RALGPS1: variants seen among roughly 807,000 people sequenced by gnomAD.
RALGPS1 encodes the protein ras-specific guanine nucleotide-releasing factor RalGPS1.
A neutral mutation model predicts 78.8 loss-of-function variants in RALGPS1; 19 were observed. The ratio of observed to expected loss-of-function variants is 0.24; its 90% CI spans 0.17 to 0.35. The LOEUF is 0.35. Ranked by LOEUF, RALGPS1 falls within the 10% of genes least tolerant of loss-of-function variation. RALGPS1 has a pLI of 1.00. For synonymous variants in RALGPS1, 228 were observed against 256.3 expected, an observed-to-expected ratio of 0.89 and a Z score of 1.06; for missense variants, 454 against 688.3, an observed-to-expected ratio of 0.66 and a Z score of 3.81.
chr9:127,101,390 C>T (rs1314596119), intron 8 of RALGPS1, among the ~76,000 whole-genome samples: 2 of 152,176 alleles, frequency 1.3e-5, no homozygotes, highest in Non-Finnish European at 2.9e-5. Flanking sequence ...TCTGTGTCCC[C>T]ATAAGACTGT....
At chr9:127,217,431 A>G in intron 18 of RALGPS1, 1 of 988,424 alleles carries the variant, frequency 1.0e-6, no homozygotes, top group Non-Finnish European at 1.2e-6. Context: ...GTGTGACAGA[A>G]ATGCATCTAT....
At chr9:127,062,282 T>C (rs927162331) in intron 7 of RALGPS1, among the ~76,000 whole-genome samples, 2 of 152,104 alleles carry the variant, frequency 1.3e-5, no homozygotes, top group African/African-American at 4.8e-5. Context: ...TATTTTTTAG[T>C]AGAGACGGGG....
intron 11 of RALGPS1, 51 bp downstream of exon 11, chr9:127,174,833 G>T (rs1485336824): frequency 6.4e-7 from 1 of 1,565,518 alleles, no homozygotes; most frequent in Admixed American, 1.7e-5. Context: ...GCCTAATTGT[G>T]GCTGCCAGAG....
chr9:126,949,180 T>C (rs1220495895), intron 1 of RALGPS1, among the ~76,000 whole-genome samples: 1 of 152,244 alleles, frequency 6.6e-6, no homozygotes, highest in African/African-American at 2.4e-5. Context: ...CCATGGTGTA[T>C]ATGTGCCACA....
At chr9:127,106,992 G>T (rs1213904177) in intron 8 of RALGPS1, 1 of 152,246 alleles carries the variant, frequency 6.6e-6, no homozygotes. Context: ...CCACTGGGAA[G>T]GCTCAGGTGT....
chr9:127,047,014 T>G (rs2047858712), intron 5 of RALGPS1, among the ~76,000 whole-genome samples: 1 of 150,384 alleles, frequency 6.6e-6, no homozygotes, highest in African/African-American at 2.4e-5. Context: ...TGATAGTAAC[T>G]GGTATTGGCC....
chr9:127,169,476 C>T (rs374363806), intron 10 of RALGPS1, among the ~76,000 whole-genome samples: 16 of 152,238 alleles, frequency 1.1e-4, no homozygotes, highest in South Asian at 6.2e-4. Context: ...TTCGTGTTAA[C>T]TCTGTCTGCC....
intron 6 of RALGPS1, among the ~76,000 whole-genome samples, chr9:127,052,491 A>G (rs917515020): frequency 5.9e-5 from 9 of 152,354 alleles, no homozygotes; most frequent in Admixed American, 5.9e-4. Flanking sequence ...TAAGATAATC[A>G]TAGAAGACCC....
chr9:127,067,438 G>C (rs1282801385), intron 7 of RALGPS1, among the ~76,000 whole-genome samples: 1 of 152,226 alleles, frequency 6.6e-6, no homozygotes, highest in African/African-American at 2.4e-5. Flanking sequence ...TGTGGTCCCA[G>C]AGGCTGAAGA....
At chr9:127,163,040 T>G (rs1286725186) in intron 8 of RALGPS1, among the ~76,000 whole-genome samples, 1 of 152,166 alleles carries the variant, frequency 6.6e-6, no homozygotes, top group African/African-American at 2.4e-5. Flanking sequence ...CTGTCTTGGA[T>G]TTGATACCCA....
chr9:127,009,085 T>G (rs2044116638), intron 4 of RALGPS1, among the ~76,000 whole-genome samples: 1 of 152,250 alleles, frequency 6.6e-6, no homozygotes, highest in Non-Finnish European at 1.5e-5. Context: ...GATGTGGAGA[T>G]ACTTTTGCAA....
intron 8 of RALGPS1, chr9:127,108,786 A>G (rs1193642050): frequency 1.3e-6 from 2 of 1,522,544 alleles, no homozygotes; most frequent in Non-Finnish European, 1.8e-6. Flanking sequence ...AAAGCCTGAA[A>G]GTAAACAGAG....
chr9:127,120,954 C>T (rs1382193742), intron 8 of RALGPS1, among the ~76,000 whole-genome samples: 4 of 152,134 alleles, frequency 2.6e-5, no homozygotes, highest in African/African-American at 9.7e-5. Context: ...GGCACTAAGC[C>T]AAGGCCTTCC....
At chr9:127,040,250 A>T (rs1050617347) in intron 5 of RALGPS1, among the ~76,000 whole-genome samples, 9 of 152,074 alleles carry the variant, frequency 5.9e-5, no homozygotes, top group Non-Finnish European at 1.3e-4. Context: ...AAAATACAAA[A>T]ATTAGCTGGG....
At chr9:127,095,494 A>G (rs1264295195) in intron 8 of RALGPS1, among the ~76,000 whole-genome samples, 1 of 152,252 alleles carries the variant, frequency 6.6e-6, no homozygotes, top group African/African-American at 2.4e-5. Context: ...ATCAATTTGT[A>G]TGTTTATTCA....
At chr9:127,109,977 C>G (rs147390846) in intron 8 of RALGPS1, among the ~76,000 whole-genome samples, 39 of 152,328 alleles carry the variant, frequency 2.6e-4, no homozygotes, top group African/African-American at 8.2e-4. Context: ...TCCAGCAGTC[C>G]TCACCGTCTC....
chr9:127,053,144 C>T (rs375639702), intron 7 of RALGPS1, among the ~76,000 whole-genome samples: 3 of 152,332 alleles, frequency 2.0e-5, no homozygotes, highest in South Asian at 2.1e-4. Context: ...AAGGTGCTGA[C>T]GTGGCTGGGG....
chr9:127,031,633 G>A (rs1796171465), intron 4 of RALGPS1, among the ~76,000 whole-genome samples: 1 of 152,218 alleles, frequency 6.6e-6, no homozygotes, highest in Non-Finnish European at 1.5e-5. Flanking sequence ...TGCTGAGAGA[G>A]GTGATTTGTC....
intron 6 of RALGPS1, 121 bp from the exon 7 acceptor site, chr9:127,052,726 C>A (rs2048398212): frequency 3.0e-6 from 2 of 669,514 alleles, no homozygotes; most frequent in African/African-American, 1.8e-5. Context: ...ACTATGTTTT[C>A]CACATGAGAT....
Sources: allele counts gnomAD v4.1 joint callset (sites outside exome capture counted in the v4.1 genomes callset), GRCh38; gene constraint gnomAD v4.1.1; transcripts MANE v1.5; gene names NCBI Gene and HGNC (gene_info 2026-07-23, HGNC 2026-07-21).